The following SULT2B1 variants were observed in gnomAD, a reference collection of about 807,000 sequenced individuals.
SULT2B1 encodes sulfotransferase 2B1.
A neutral mutation model predicts 33.2 loss-of-function variants in SULT2B1; 16 were observed. The observed-to-expected ratio is 0.48, with a 90% CI of 0.33 to 0.73. The LOEUF (loss-of-function observed/expected upper bound fraction) is 0.73. Ranked by LOEUF, SULT2B1 falls within the 30% of genes least tolerant of loss-of-function variation. The pLI, the probability that SULT2B1 is intolerant of heterozygous loss-of-function variation, is 0.02. For synonymous variants in SULT2B1, 186 were observed against 200.5 expected, an observed-to-expected ratio of 0.93 and a Z score of 0.61; for missense variants, 500 against 506.0, an observed-to-expected ratio of 0.99 and a Z score of 0.11.
rs1973767875 is a variant in SULT2B1 at position 48,599,325 on chromosome 19, G to A, written c.1017G>A (p.Leu339=). 1 of 1,602,720 alleles carries A rather than the reference G, an allele frequency of 6.2e-7. No homozygotes were observed. Among genetic ancestry groups the A allele is most frequent in the Admixed American group, 1.7e-5 (1 of 58,370 alleles). ...CCAGCCTTGAGCCCAACACCAGCCT[G>A]GAGCGTGAGCCCAGACCCAACTCCA... ...PKPSLEPNTS[L]EREPRPNSSP... The change falls in exon 7 of 7, where the codon CTG becomes CTA. Residue 339 remains leucine, a synonymous_variant. Transcript: ENST00000201586. The surrounding 1 kb of genome is among the most constrained non-coding windows in gnomAD (Gnocchi z 4.1).
intron 4 of SULT2B1, among the ~76,000 whole-genome samples, chr19:48,592,224 G>A (rs1973652408): frequency 6.6e-6 from 1 of 152,046 alleles, no homozygotes; most frequent in Non-Finnish European, 1.5e-5. Context: ...CTTGGGAGGT[G>A]GAGCTTGCAG....
At chr19:48,593,809 T>G (rs1973675793) in intron 5 of SULT2B1, among the ~76,000 whole-genome samples, 1 of 149,826 alleles carries the variant, frequency 6.7e-6, no homozygotes, top group African/African-American at 2.4e-5. Context: ...TAATTTTGCA[T>G]TTTTAGTAGA....
At chr19:48,570,506 G>T (rs1285272623) in intron 1 of SULT2B1, among the ~76,000 whole-genome samples, 1 of 151,874 alleles carries the variant, frequency 6.6e-6, no homozygotes, top group Non-Finnish European at 1.5e-5. Context: ...GAGTAGTATC[G>T]CATGGCACAG....
Position 48,576,024 on chromosome 19 carries a change from C to T in SULT2B1, c.155C>T (p.Ala52Val). The T allele has an allele frequency of 2.5e-6, 4 of 1,613,898 alleles. No individual in the cohort carries two copies. The South Asian group carries it at 3.3e-5, about 13-fold the overall frequency. ...TACTCGCTCGAGAGCATCAGCTTGG[C>T]GGAGAACACCCAAGATGTGCGGGAC... ...GLYSLESISLAENTQDVRDDD... is the reference protein window; with the variant it reads ...GLYSLESISLVENTQDVRDDD... Residue 52 changes from alanine (A) to valine (V), a missense_variant, in exon 2 of 7, where the codon GCG becomes GTG. Transcript: ENST00000201586.
chr19:48,592,820 AGTCCCCACCTCCTCCAGGTGCAGC>A lies in SULT2B1; in HGVS notation c.645+11_645+34del, dbSNP rs1014295042. 7 of 1,560,148 alleles carry A rather than the reference AGTCCCCACCTCCTCCAGGTGCAGC, an allele frequency of 4.5e-6. No homozygotes were observed. The highest frequency in any genetic ancestry group is 1.4e-5 in the African/African-American group (1 of 73,716). Reference sequence around the variant, plus strand: ...CACCTACGAGGAGCTGCAGCAGGTGAGTCCCCACCTCCTCCAGGTGCAGCGTCCCCCCCATACCCTCTGCTCACA... The same window carrying A: ...CACCTACGAGGAGCTGCAGCAGGTGAGTCCCCCCCATACCCTCTGCTCACA... On this transcript the variant is annotated splice_donor_5th_base_variant and intron_variant, in intron 5 of 6. Coordinates refer to ENST00000201586, the MANE Select transcript of SULT2B1 (RefSeq NM_177973.2).
intron 1 of SULT2B1, among the ~76,000 whole-genome samples, chr19:48,561,408 A>T (rs1028326066): frequency 6.6e-6 from 1 of 152,162 alleles, no homozygotes; most frequent in African/African-American, 2.4e-5. Flanking sequence ...CAGCCTGGGC[A>T]ACAAGAGTGA....
intron 1 of SULT2B1, chr19:48,575,725 C>T (rs1420398398): frequency 4.1e-6 from 3 of 728,168 alleles, no homozygotes; most frequent in Non-Finnish European, 6.0e-6. Flanking sequence ...AGGTGATCCA[C>T]CCACCTCTGT....
At chr19:48,554,619 C>T (rs1216158437) in intron 1 of SULT2B1, among the ~76,000 whole-genome samples, 2 of 143,780 alleles carry the variant, frequency 1.4e-5, no homozygotes, top group Non-Finnish European at 3.0e-5. Context: ...CCCCGCCCCC[C>T]CAGCCTCCTC....
intron 1 of SULT2B1, among the ~76,000 whole-genome samples, chr19:48,573,898 G>A (rs1046865782): frequency 6.6e-6 from 1 of 152,144 alleles, no homozygotes; most frequent in Non-Finnish European, 1.5e-5. Context: ...GTCTCACTCT[G>A]TCACCCAGGC....
chr19:48,553,371 G>A (rs529010918), intron 1 of SULT2B1, among the ~76,000 whole-genome samples: 2 of 152,236 alleles, frequency 1.3e-5, no homozygotes, highest in Admixed American at 6.5e-5. Flanking sequence ...GCAATGGCAC[G>A]ATATCAGCTC....
intron 4 of SULT2B1, among the ~76,000 whole-genome samples, chr19:48,592,507 T>C (rs1347519580): frequency 6.6e-6 from 1 of 151,934 alleles, no homozygotes; most frequent in Admixed American, 6.6e-5. Flanking sequence ...GATGGACAGA[T>C]AGACAAAGGC....
chr19:48,596,714 G>T, intron 5 of SULT2B1, 25 bp from the exon 6 acceptor site: 1 of 1,575,914 alleles, frequency 6.3e-7, no homozygotes. Context: ...CCCTCCCTCC[G>T]CTGACCCCTC....
At chr19:48,595,654 GGTTTTTT>G (rs1973701664) in intron 5 of SULT2B1, 2 of 140,118 alleles carry the variant, frequency 1.4e-5, no homozygotes, top group African/African-American at 2.6e-5. Flanking sequence ...CTGTTTTTTG[GGTTTTTT>G]TTTGTTGTTT....
In SULT2B1 at chr19:48,596,922, G is replaced by A. The variant is rs16982170; in HGVS notation, c.826+3G>A. 929 of 1,582,730 alleles carry A rather than the reference G, an allele frequency of 5.9e-4. 4 individuals are homozygous for A. The African/African-American group carries it at 0.011, about 19-fold the overall frequency. ...TCGCGGGGCCTTCCTCCGGAAAGGT[G>A]CGGGGGTTCTGGGGTTCAGAGCCCA... On this transcript the variant is annotated splice_donor_region_variant and intron_variant, in intron 6 of 6. Coordinates refer to ENST00000201586, the MANE Select transcript of SULT2B1 (RefSeq NM_177973.2).
At chr19:48,577,408 C>T (rs1317973913) in intron 2 of SULT2B1, among the ~76,000 whole-genome samples, 5 of 122,880 alleles carry the variant, frequency 4.1e-5, no homozygotes, top group Non-Finnish European at 8.0e-5. Context: ...CTCTGTTGCC[C>T]GGGCTGGAGT....
chr19:48,587,330 A>C lies in SULT2B1; in HGVS notation c.316A>C (p.Thr106Pro). The change falls in exon 3 of 7, where the codon ACC (threonine) becomes CCC (proline). Residue 106 changes from threonine (T) to proline (P), a missense_variant. Transcript: ENST00000201586. The part of the protein sequence containing the change: ...PIWERAPWCE[T>P]IVGAFSLPDQ... ...CTGGGAGCGGGCACCCTGGTGTGAG[A>C]CCATTGTGGGTGCCTTCAGCCTCCC... 6.2e-7 allele frequency: 1 copy of C among 1,613,868 alleles called. No individual in the cohort carries two copies. Among genetic ancestry groups the C allele is most frequent in the Non-Finnish European group, 8.5e-7 (1 of 1,179,960 alleles).
intron 3 of SULT2B1, among the ~76,000 whole-genome samples, chr19:48,588,823 G>A (rs1354476266): frequency 6.6e-6 from 1 of 152,078 alleles, no homozygotes; most frequent in Non-Finnish European, 1.5e-5. Flanking sequence ...AGAGGGAAAA[G>A]CAGGTGCAAA....
At chr19:48,588,609 TA>T (rs552454141) in intron 3 of SULT2B1, among the ~76,000 whole-genome samples, 1,809 of 149,922 alleles carry the variant, frequency 0.012, 37 homozygotes, top group African/African-American at 0.042. Flanking sequence ...GTTTAACATA[TA>T]ATAACATAAT....
At chr19:48,567,443 T>C (rs1973260727) in intron 1 of SULT2B1, among the ~76,000 whole-genome samples, 1 of 152,044 alleles carries the variant, frequency 6.6e-6, no homozygotes, top group East Asian at 1.9e-4. Context: ...ACGCCTGTAA[T>C]CTCAGCTACT....
Sources: gnomAD v4.1 joint callset for allele counts (sites outside exome capture counted in the v4.1 genomes callset) on GRCh38, gnomAD v4.1.1 for gene constraint, Gnocchi (gnomAD v3.1) non-coding constraint, MANE v1.5 for transcripts, NCBI Gene and HGNC (gene_info 2026-07-23, HGNC 2026-07-21) for gene names.